The following ANO3 variants were observed in gnomAD, a reference collection of about 807,000 sequenced individuals.
ANO3 encodes the protein anoctamin-3.
Under a neutral mutation model 144.8 loss-of-function variants are expected in ANO3, and 99 were observed. The observed-to-expected ratio is 0.68, with a 90% CI of 0.58 to 0.81. The LOEUF (loss-of-function observed/expected upper bound fraction) is 0.81. Ranked by LOEUF, ANO3 falls within the 30% of genes least tolerant of loss-of-function variation. The pLI is 0.00. For missense variants in ANO3, 905 were observed against 1,202.2 expected, an observed-to-expected ratio of 0.75 and a Z score of 3.66; for synonymous variants, 414 against 392.6, an observed-to-expected ratio of 1.05 and a Z score of -0.64.
chr11:26,238,123 T>C (rs1003538062), intron 1 of ANO3, among the ~76,000 whole-genome samples: 1 of 152,154 alleles, frequency 6.6e-6, no homozygotes, highest in East Asian at 1.9e-4. Flanking sequence ...AAATTGTGTG[T>C]GTGCATGGGC....
intron 1 of ANO3, among the ~76,000 whole-genome samples, chr11:26,405,604 A>G (rs1029173752): frequency 6.6e-6 from 1 of 151,914 alleles, no homozygotes; most frequent in African/African-American, 2.4e-5. Context: ...ATAACTGATT[A>G]TAAAGAACAA....
intron 1 of ANO3, among the ~76,000 whole-genome samples, chr11:26,354,462 A>G (rs1052118881): frequency 4.6e-5 from 7 of 152,180 alleles, no homozygotes; most frequent in African/African-American, 1.7e-4. Context: ...TTAAATGTCA[A>G]TCATACCTCA....
chr11:26,402,640 T>C (rs1857178059), intron 1 of ANO3, among the ~76,000 whole-genome samples: 1 of 151,914 alleles, frequency 6.6e-6, no homozygotes, highest in Admixed American at 6.6e-5. Flanking sequence ...TTCTCACTTA[T>C]AAGTAGGATC....
chr11:26,533,365 A>G (rs954980492), intron 8 of ANO3, among the ~76,000 whole-genome samples: 1 of 152,218 alleles, frequency 6.6e-6, no homozygotes, highest in Non-Finnish European at 1.5e-5. Flanking sequence ...TTGGTACAAC[A>G]TTACTTTTAA....
At chr11:26,189,793 T>C (rs1590183645) in intron 1 of ANO3, among the ~76,000 whole-genome samples, 1 of 152,214 alleles carries the variant, frequency 6.6e-6, no homozygotes, top group East Asian at 1.9e-4. Context: ...AATATTCATT[T>C]TAGTTATTTT....
At chr11:26,251,440 T>C (rs992666856) in intron 1 of ANO3, among the ~76,000 whole-genome samples, 1 of 152,214 alleles carries the variant, frequency 6.6e-6, no homozygotes, top group Non-Finnish European at 1.5e-5. Context: ...AGAATGAGGT[T>C]GGTTGTGCCT....
intron 1 of ANO3, among the ~76,000 whole-genome samples, chr11:26,191,429 A>G (rs1851476118): frequency 6.6e-6 from 1 of 152,190 alleles, no homozygotes; most frequent in Non-Finnish European, 1.5e-5. Flanking sequence ...ATTTCCCTCA[A>G]TGCAGACACC....
At chr11:26,535,313 CTT>C (rs1849477713) in intron 9 of ANO3, among the ~76,000 whole-genome samples, 1 of 152,070 alleles carries the variant, frequency 6.6e-6, no homozygotes. Context: ...ACAAAATAAA[CTT>C]GAGAATGTTT....
At chr11:26,261,319 G>A (rs770115232) in intron 1 of ANO3, among the ~76,000 whole-genome samples, 3 of 151,166 alleles carry the variant, frequency 2.0e-5, no homozygotes, top group African/African-American at 4.9e-5. Context: ...CTTTTTTATT[G>A]TACCCTCTAT....
At chr11:26,568,631 T>C (rs397618) in intron 14 of ANO3, among the ~76,000 whole-genome samples, 142,535 of 152,052 alleles carry the variant, frequency 0.94, 67,039 homozygotes, top group South Asian at 0.97. Flanking sequence ...AAAATCACGA[T>C]AACTGTCTAT....
intron 1 of ANO3, among the ~76,000 whole-genome samples, chr11:26,240,744 T>G (rs1852645976): frequency 6.6e-6 from 1 of 152,210 alleles, no homozygotes; most frequent in Admixed American, 6.5e-5. Context: ...ACTTGATAAC[T>G]CCCTTGACCC....
chr11:26,258,772 G>C (rs966261007), intron 1 of ANO3, among the ~76,000 whole-genome samples: 8 of 152,184 alleles, frequency 5.3e-5, no homozygotes, highest in Non-Finnish European at 8.8e-5. Flanking sequence ...CCAATGGCTA[G>C]TCTAAAATTA....
intron 1 of ANO3, among the ~76,000 whole-genome samples, chr11:26,347,262 C>T (rs932592593): frequency 6.6e-6 from 1 of 152,160 alleles, no homozygotes; most frequent in Non-Finnish European, 1.5e-5. Context: ...CGGCACAATT[C>T]CTAGGACCAG....
chr11:26,530,090 G>A (rs998811766), intron 7 of ANO3, among the ~76,000 whole-genome samples: 1 of 152,284 alleles, frequency 6.6e-6, no homozygotes, highest in Middle Eastern at 3.4e-3. Context: ...GTATTCCTAT[G>A]CCCGTGAGAA....
chr11:26,403,611 G>A (rs1857205448), intron 1 of ANO3, among the ~76,000 whole-genome samples: 2 of 151,868 alleles, frequency 1.3e-5, no homozygotes. Context: ...CATAGTAGCA[G>A]AGTGAGTCTT....
At chr11:26,528,117 TA>T (rs1433202871) in intron 7 of ANO3, among the ~76,000 whole-genome samples, 1 of 152,230 alleles carries the variant, frequency 6.6e-6, no homozygotes, top group Non-Finnish European at 1.5e-5. Flanking sequence ...AGAGTGTAGA[TA>T]ATGTATTAGA....
intron 1 of ANO3, among the ~76,000 whole-genome samples, chr11:26,303,553 C>A (rs974876613): frequency 3.3e-5 from 5 of 151,934 alleles, no homozygotes; most frequent in Admixed American, 6.6e-5. Flanking sequence ...AAGAGGGAGA[C>A]GGAGGAAGGA....
chr11:26,318,529 G>A (rs1010563009), intron 1 of ANO3, among the ~76,000 whole-genome samples: 4 of 152,208 alleles, frequency 2.6e-5, no homozygotes, highest in African/African-American at 9.7e-5. Context: ...GGACTAATCG[G>A]TAGGGAGACA....
In ANO3 at chr11:26,662,043, A is replaced by G. The variant is rs1853893027; in HGVS notation, c.*1599A>G. On this transcript the variant is annotated 3_prime_UTR_variant, in exon 27 of 27. Coordinates refer to ENST00000256737, the MANE Select transcript of ANO3 (RefSeq NM_031418.4). Reference sequence around the variant, plus strand: ...ATGGAAATAAAGCTACTACATATATATGCCAGTATTTCTCTAGTAAGATTA... The same window carrying G: ...ATGGAAATAAAGCTACTACATATATGTGCCAGTATTTCTCTAGTAAGATTA... 6.6e-6 allele frequency: 1 copy of G among 152,116 alleles called. No homozygotes were observed. Among genetic ancestry groups the G allele is most frequent in the Admixed American group, 6.6e-5 (1 of 15,232 alleles). The allele number at this position is 152,116 out of a possible 1,614,324, so 9.4% of individuals were successfully genotyped here. A position where few individuals can be genotyped will look rare whatever the true frequency, so the allele number is the denominator to read the frequency against.
Sources: gnomAD v4.1 joint callset for allele counts (sites outside exome capture counted in the v4.1 genomes callset) on GRCh38, gnomAD v4.1.1 for gene constraint, MANE v1.5 for transcripts, NCBI Gene and HGNC (gene_info 2026-07-23, HGNC 2026-07-21) for gene names.